DLG2: variants seen among roughly 807,000 people sequenced by gnomAD.
DLG2 encodes disks large homolog 2.
DLG2 carries 45 observed loss-of-function variants against 132.5 expected under a neutral mutation model. That is an observed-to-expected ratio of 0.34 (90% CI 0.27 to 0.44). DLG2 has a LOEUF of 0.44. Ranked by LOEUF, DLG2 falls within the 20% of genes least tolerant of loss-of-function variation. DLG2 has a pLI of 1.00. For synonymous variants in DLG2, 424 were observed against 419.6 expected, an observed-to-expected ratio of 1.01 and a Z score of -0.13; for missense variants, 1,045 against 1,196.9, an observed-to-expected ratio of 0.87 and a Z score of 1.87.
intron 3 of DLG2, among the ~76,000 whole-genome samples, chr11:85,320,780 A>C (rs1012189531): frequency 6.6e-6 from 1 of 151,876 alleles, no homozygotes; most frequent in Non-Finnish European, 1.5e-5. Context: ...TAAGTCAGGA[A>C]TGTACTATTC....
intron 5 of DLG2, among the ~76,000 whole-genome samples, chr11:85,112,949 T>C (rs1408762641): frequency 6.6e-6 from 1 of 152,078 alleles, no homozygotes; most frequent in African/African-American, 2.4e-5. Context: ...CTGAATTCAG[T>C]ACTCCTATCA....
chr11:84,912,231 C>CT (rs1465590269), intron 6 of DLG2, among the ~76,000 whole-genome samples: 2 of 152,238 alleles, frequency 1.3e-5, no homozygotes, highest in Non-Finnish European at 2.9e-5. Context: ...TCTCGGCTCA[C>CT]TGCAAGCGCC....
At chr11:85,580,769 T>G (rs2153228789) in intron 3 of DLG2, among the ~76,000 whole-genome samples, 1 of 152,290 alleles carries the variant, frequency 6.6e-6, no homozygotes, top group African/African-American at 2.4e-5. Flanking sequence ...CCAAACTGTT[T>G]AACAGAAGAT....
Position 84,352,617 on chromosome 11 carries a change from A to G in DLG2, c.520-101326T>C, listed in dbSNP as rs535745466. Among the ~76,000 whole-genome samples, 63 of 152,294 alleles carry G rather than the reference A, an allele frequency of 4.1e-4. 2 individuals carry two copies. The South Asian group carries it at 0.012, about 29-fold the overall frequency. On this transcript the variant is annotated intron_variant, in intron 7 of 27. Coordinates refer to ENST00000376104, the MANE Select transcript of DLG2 (RefSeq NM_001142699.3). Reference sequence around the variant, plus strand: ...TGAAGGAGCTGCCATTTTGTAATATACACATTGTTGCTTATCTGCTGGCTC... The same window carrying G: ...TGAAGGAGCTGCCATTTTGTAATATGCACATTGTTGCTTATCTGCTGGCTC...
chr11:85,158,706 G>A (rs533315628), intron 4 of DLG2, among the ~76,000 whole-genome samples: 32 of 152,236 alleles, frequency 2.1e-4, no homozygotes, highest in East Asian at 5.8e-4. Context: ...AACCTCCAAA[G>A]GCAAGGTAAG....
intron 3 of DLG2, among the ~76,000 whole-genome samples, chr11:85,541,869 A>C (rs959710288): frequency 6.6e-6 from 1 of 152,206 alleles, no homozygotes; most frequent in African/African-American, 2.4e-5. Context: ...GAAATGCCCA[A>C]GGAATTTAAT....
At position 85,554,526 on chromosome 11, in the gene DLG2, C is replaced by G. The variant is rs116483082; in HGVS notation, c.40+44131G>C. Among the ~76,000 whole-genome samples, 1,308 of 151,918 alleles carry G rather than the reference C, an allele frequency of 8.6e-3. 17 individuals carry two copies. Among genetic ancestry groups the G allele is most frequent in the African/African-American group, 0.03 (1,231 of 41,500 alleles). ...GGCTGTCCTCACTCATTCCTAAATA[C>G]AGGCCAAGCTAACTATGGGAAGAAT... is the stretch of plus-strand genomic sequence containing the variant. On this transcript the variant is annotated intron_variant, in intron 3 of 27. Transcript: ENST00000376104.
At chr11:84,381,166 A>C (rs547231573) in intron 7 of DLG2, among the ~76,000 whole-genome samples, 74 of 152,226 alleles carry the variant, frequency 4.9e-4, no homozygotes, top group Admixed American at 4.4e-3. Context: ...ATAACTTATT[A>C]AACTTTGCTC....
intron 18 of DLG2, among the ~76,000 whole-genome samples, chr11:83,776,831 C>T (rs568876946): frequency 3.3e-5 from 5 of 152,158 alleles, no homozygotes; most frequent in African/African-American, 4.8e-5. Flanking sequence ...GTATTATTCC[C>T]GTGGAATGCC....
At chr11:83,694,610 T>C (rs2081561232) in intron 18 of DLG2, among the ~76,000 whole-genome samples, 1 of 152,244 alleles carries the variant, frequency 6.6e-6, no homozygotes, top group Non-Finnish European at 1.5e-5. Context: ...GACTGTTCCT[T>C]TCTTCCTTCA....
chr11:84,568,507 A>AAAAT (rs932939246), intron 6 of DLG2, among the ~76,000 whole-genome samples: 12 of 152,250 alleles, frequency 7.9e-5, no homozygotes, highest in African/African-American at 9.6e-5. Flanking sequence ...ACACCATCTC[A>AAAAT]AAATAAATAA....
At chr11:84,778,803 T>G (rs1406702435) in intron 6 of DLG2, among the ~76,000 whole-genome samples, 2 of 152,128 alleles carry the variant, frequency 1.3e-5, no homozygotes, top group Non-Finnish European at 2.9e-5. Flanking sequence ...GAAGACCCAC[T>G]CCCATTATGT....
chr11:83,890,267 G>T (rs1330217218), intron 15 of DLG2, among the ~76,000 whole-genome samples: 1 of 151,976 alleles, frequency 6.6e-6, no homozygotes, highest in South Asian at 2.1e-4. Flanking sequence ...ACATAGGAAA[G>T]AAATTTTTCA....
At chr11:84,792,086 T>C (rs1331029544) in intron 6 of DLG2, among the ~76,000 whole-genome samples, 2 of 152,210 alleles carry the variant, frequency 1.3e-5, no homozygotes, top group Non-Finnish European at 2.9e-5. Context: ...ATATGACTTT[T>C]ATTATGTTGT....
chr11:84,416,803 T>C (rs2098931399), intron 7 of DLG2, among the ~76,000 whole-genome samples: 1 of 152,208 alleles, frequency 6.6e-6, no homozygotes, highest in African/African-American at 2.4e-5. Flanking sequence ...AATTAAAAGA[T>C]TGTTATTATC....
At chr11:83,921,699 G>T (rs1479827646) in intron 15 of DLG2, among the ~76,000 whole-genome samples, 1 of 152,110 alleles carries the variant, frequency 6.6e-6, no homozygotes. Flanking sequence ...TGCTTTTGAA[G>T]CTGTGCTTAT....
chr11:84,938,923 G>A (rs575431049), intron 6 of DLG2, among the ~76,000 whole-genome samples: 3 of 152,238 alleles, frequency 2.0e-5, no homozygotes, highest in Admixed American at 6.5e-5. Flanking sequence ...ATTTCTTGAA[G>A]TACTCCCAAA....
At chr11:85,296,467 C>T (rs1682385) in intron 3 of DLG2, among the ~76,000 whole-genome samples, 31 of 121,510 alleles carry the variant, frequency 2.6e-4, no homozygotes, top group Middle Eastern at 8.8e-3. Flanking sequence ...TTTCGATTTT[C>T]TTTTTTTTTT....
intron 18 of DLG2, among the ~76,000 whole-genome samples, chr11:83,697,267 A>G (rs1047820594): frequency 6.6e-6 from 1 of 152,238 alleles, no homozygotes; most frequent in South Asian, 2.1e-4. Flanking sequence ...TGCTACTTAA[A>G]GAAAGAAAAT....
Sources: allele counts gnomAD v4.1 joint callset (sites outside exome capture counted in the v4.1 genomes callset), GRCh38; gene constraint gnomAD v4.1.1; transcripts MANE v1.5; gene names NCBI Gene and HGNC (gene_info 2026-07-23, HGNC 2026-07-21).